ZMYM2: variants seen among roughly 807,000 people sequenced by gnomAD.
ZMYM2 encodes zinc finger MYM-type protein 2.
ZMYM2 carries 56 observed loss-of-function variants against 162.8 expected under a neutral mutation model. The ratio of observed to expected loss-of-function variants is 0.34; its 90% CI spans 0.28 to 0.43. The LOEUF (loss-of-function observed/expected upper bound fraction) is 0.43. ZMYM2 is among the 20% of genes least tolerant of loss of function. ZMYM2 has a pLI of 1.00. For synonymous variants in ZMYM2, 510 were observed against 541.6 expected (o/e 0.94, Z 0.81); for missense variants, 1,275 against 1,621.8 (o/e 0.79, Z 3.67).
intron 2 of ZMYM2, among the ~76,000 whole-genome samples, chr13:19,987,389 G>A (rs1235626257): frequency 9.9e-5 from 15 of 150,932 alleles, no homozygotes; most frequent in Non-Finnish European, 8.9e-5. Context: ...TCAGCCTCCC[G>A]AGTAGCTGGG....
At chr13:19,952,028 A>G in the ZMYM2 span, among the ~76,000 whole-genome samples, 1 of 152,196 alleles carries the variant, frequency 6.6e-6, no homozygotes, top group Non-Finnish European at 1.5e-5. Flanking sequence ...AATGTGGCAT[A>G]TATACACAAC....
At chr13:19,945,974 A>AAG in the ZMYM2 span, among the ~76,000 whole-genome samples, 1 of 139,722 alleles carries the variant, frequency 7.2e-6, no homozygotes, top group Non-Finnish European at 1.6e-5. Context: ...AAAAAAAAAA[A>AAG]GAGAAGTTTT....
intron 6 of ZMYM2, among the ~76,000 whole-genome samples, chr13:20,010,212 T>G (rs140906203): frequency 0.012 from 1,848 of 152,304 alleles, 48 homozygotes; most frequent in African/African-American, 0.042. Context: ...TTTTTTATTT[T>G]TGAGACAGAG....
chr13:20,019,049 C>G (rs1461778128), intron 6 of ZMYM2, among the ~76,000 whole-genome samples: 2 of 142,508 alleles, frequency 1.4e-5, no homozygotes, highest in Non-Finnish European at 3.0e-5. Flanking sequence ...CACTGCAATT[C>G]AGCGTGGGTG....
intron 2 of ZMYM2, among the ~76,000 whole-genome samples, chr13:19,965,937 A>G (rs1319124312): frequency 1.3e-5 from 2 of 150,042 alleles, no homozygotes; most frequent in African/African-American, 4.9e-5. Flanking sequence ...GCACCACCAC[A>G]CCTGGCTAAT....
intron 7 of ZMYM2, among the ~76,000 whole-genome samples, chr13:20,021,752 T>C (rs919381600): frequency 6.6e-6 from 1 of 152,190 alleles, no homozygotes; most frequent in Non-Finnish European, 1.5e-5. Flanking sequence ...TGGGGTTCTT[T>C]CTCTGGCCAC....
chr13:19,991,624 CTT>C (rs11413369), intron 2 of ZMYM2, among the ~76,000 whole-genome samples: 3 of 131,370 alleles, frequency 2.3e-5, no homozygotes, highest in Admixed American at 8.0e-5. Context: ...TTTTCTTTTT[CTT>C]TTTTTTTTTT....
At chr13:19,885,461 C>T in the ZMYM2 span, among the ~76,000 whole-genome samples, 2 of 152,138 alleles carry the variant, frequency 1.3e-5, no homozygotes, top group Non-Finnish European at 2.9e-5. Context: ...AGATAAGGAA[C>T]TTAGCTGCTT....
chr13:20,037,587 A>G (rs1225446430), intron 12 of ZMYM2, among the ~76,000 whole-genome samples: 2 of 152,158 alleles, frequency 1.3e-5, no homozygotes, highest in Non-Finnish European at 2.9e-5. Context: ...CTTGAGATAT[A>G]TTTTAAAAAC....
chr13:19,877,456 T>A, the ZMYM2 span, among the ~76,000 whole-genome samples: 1 of 152,250 alleles, frequency 6.6e-6, no homozygotes, highest in Non-Finnish European at 1.5e-5. Context: ...AACCAACCCA[T>A]TCCTGTGAGA....
At position 20,076,497 on chromosome 13, in the gene ZMYM2, C is replaced by T. The variant is rs934418328; in HGVS notation, c.3454-5519C>T. 5.3e-5 allele frequency among the ~76,000 whole-genome samples: 8 copies of T among 150,252 alleles called. 1 individual carries two copies. The highest frequency in any genetic ancestry group is 2.0e-4 in the African/African-American group (8 of 39,744). On this transcript the variant is annotated intron_variant, in intron 21 of 24. Transcript: ENST00000610343. Reference sequence around the variant, plus strand: ...TGAGGATCTTTTTGTGTTTATTGACCATTTGCTTTTCTGTGAATTGCCCCA... The same window carrying T: ...TGAGGATCTTTTTGTGTTTATTGACTATTTGCTTTTCTGTGAATTGCCCCA...
At chr13:19,986,124 GGTTGCAGT>G (rs1464181400) in intron 2 of ZMYM2, among the ~76,000 whole-genome samples, 1 of 152,114 alleles carries the variant, frequency 6.6e-6, no homozygotes, top group Non-Finnish European at 1.5e-5. Context: ...AGGAGTTGGA[GGTTGCAGT>G]GTTGCAGTGA....
In ZMYM2 at chr13:20,086,990, G is replaced by A. The variant is rs181479847; in HGVS notation, c.*976G>A. ...ATCATGCTGCAATGTTAGCTGTGTA[G>A]TACTCTAAAACTTAGCAATTTTATC... is the stretch of plus-strand genomic sequence containing the variant. On this transcript the variant is annotated 3_prime_UTR_variant, in exon 25 of 25. Transcript: ENST00000610343. 1 of 182,266 alleles carries A rather than the reference G, an allele frequency of 5.5e-6. No homozygotes were observed. Among genetic ancestry groups the A allele is most frequent in the East Asian group, 8.9e-5 (1 of 11,268 alleles). 11.3% of individuals were successfully genotyped at this position (182,266 alleles called of 1,614,324 possible).
the ZMYM2 span, among the ~76,000 whole-genome samples, chr13:19,880,718 G>A: frequency 6.6e-6 from 1 of 151,960 alleles, no homozygotes; most frequent in Non-Finnish European, 1.5e-5. Flanking sequence ...CATGAGCCCC[G>A]CACCCAGCTG....
intron 3 of ZMYM2, among the ~76,000 whole-genome samples, chr13:19,995,703 A>G (rs1292620991): frequency 1.3e-5 from 2 of 152,078 alleles, no homozygotes; most frequent in East Asian, 3.9e-4. Context: ...TTGAAGGTTG[A>G]TAGTTTTCTT....
intron 24 of ZMYM2, among the ~76,000 whole-genome samples, chr13:20,083,979 A>G (rs536115647): frequency 6.6e-6 from 1 of 152,324 alleles, no homozygotes; most frequent in South Asian, 2.1e-4. Flanking sequence ...GCATGTGTTA[A>G]GAAATCTCTC....
chr13:20,064,719 ATTAT>A (rs1285789329), intron 19 of ZMYM2, among the ~76,000 whole-genome samples, 174 bp downstream of exon 19: 1 of 150,728 alleles, frequency 6.6e-6, no homozygotes, highest in African/African-American at 2.4e-5. Context: ...ATTTATTACT[ATTAT>A]TTATTACTAT....
chr13:20,014,563 G>A (rs1390132219), intron 6 of ZMYM2, among the ~76,000 whole-genome samples: 39 of 151,952 alleles, frequency 2.6e-4, no homozygotes, highest in Non-Finnish European at 1.5e-5. Context: ...TGGTAGTAAT[G>A]TCTCCTATAT....
intron 3 of ZMYM2, among the ~76,000 whole-genome samples, chr13:19,995,174 G>A (rs973129897): frequency 2.6e-5 from 4 of 151,704 alleles, no homozygotes; most frequent in Non-Finnish European, 5.9e-5. Context: ...GTTGGCTAAG[G>A]TTTTATTTTT....
Sources: allele counts gnomAD v4.1 joint callset (sites outside exome capture counted in the v4.1 genomes callset), GRCh38; gene constraint gnomAD v4.1.1; transcripts MANE v1.5; gene names NCBI Gene and HGNC (gene_info 2026-07-23, HGNC 2026-07-21).